KCNIP2: variants seen among roughly 807,000 people sequenced by gnomAD.
KCNIP2 encodes the protein A-type potassium channel modulatory protein KCNIP2.
KCNIP2 carries 19 observed loss-of-function variants against 39.0 expected under a neutral mutation model. The ratio of observed to expected loss-of-function variants is 0.49; its 90% CI spans 0.34 to 0.71. The LOEUF (loss-of-function observed/expected upper bound fraction) is 0.71, where lower values mean the gene tolerates loss of function less well. Among genes scored for constraint, KCNIP2 ranks in the 30% least tolerant of loss-of-function variants. KCNIP2 has a pLI of 0.01. For synonymous variants in KCNIP2, 111 were observed against 131.2 expected, an observed-to-expected ratio of 0.85 and a Z score of 1.05; for missense variants, 261 against 346.0, an observed-to-expected ratio of 0.75 and a Z score of 1.95.
chr10:101,827,248 G>A lies in KCNIP2; in HGVS notation c.*105C>T. ...GCTCTTGGATCCCTCCAGCCCCCAG[G>A]GAGGCGTAGGATGAGGATAGACCTG... On this transcript the variant is annotated 3_prime_UTR_variant, in exon 10 of 10. Transcript: ENST00000356640. 1.4e-6 allele frequency: 2 copies of A among 1,388,646 alleles called. No individual in the cohort carries two copies. The highest frequency in any genetic ancestry group is 1.9e-6 in the Non-Finnish European group (2 of 1,065,922). The allele number at this position is 1,388,646 out of a possible 1,614,324, so 86.0% of individuals were successfully genotyped here.
At chr10:101,827,531 A>T in intron 9 of KCNIP2, 131 bp from the exon 10 acceptor site, 1 of 1,286,968 alleles carries the variant, frequency 7.8e-7, no homozygotes, top group South Asian at 1.2e-5. Context: ...GCCCAGAGAG[A>T]CCTGAGGTAG....
intron 1 of KCNIP2, among the ~76,000 whole-genome samples, 182 bp from the exon 2 acceptor site, chr10:101,831,349 A>G (rs1157471473): frequency 6.6e-6 from 1 of 152,132 alleles, no homozygotes; most frequent in East Asian, 1.9e-4. Flanking sequence ...GAGTCCATAG[A>G]GGTGAGGCTC....
In KCNIP2 at chr10:101,835,775, G is replaced by A. The variant is rs538724202; in HGVS notation, c.74-4608C>T. On this transcript the variant is annotated intron_variant, in intron 1 of 9. Coordinates refer to ENST00000356640, the MANE Select transcript of KCNIP2 (RefSeq NM_173191.3). ...ACCGCTGCTGGCTAACGGTGACTGA[G>A]CATTCACTATGTACTAGATAATGCA... 2.0e-5 allele frequency among the ~76,000 whole-genome samples: 3 copies of A among 152,286 alleles called. No individual in the cohort carries two copies. In the East Asian group the frequency reaches 5.8e-4, roughly 29 times the overall value.
intron 1 of KCNIP2, among the ~76,000 whole-genome samples, chr10:101,831,562 C>A (rs2065993557): frequency 6.6e-6 from 1 of 152,110 alleles, no homozygotes; most frequent in Non-Finnish European, 1.5e-5. Flanking sequence ...TGTATAGTGA[C>A]ATGTAGAACA....
chr10:101,835,314 G>A (rs755380), intron 1 of KCNIP2, among the ~76,000 whole-genome samples: 14 of 152,176 alleles, frequency 9.2e-5, no homozygotes, highest in African/African-American at 2.7e-4. Context: ...GCCACAGGCA[G>A]TGAAACTGAG....
chr10:101,832,818 G>A (rs577774951), intron 1 of KCNIP2, among the ~76,000 whole-genome samples: 2 of 152,084 alleles, frequency 1.3e-5, no homozygotes, highest in African/African-American at 4.8e-5. Context: ...GGTGAGAACA[G>A]AATGGCTGCC....
intron 3 of KCNIP2, chr10:101,829,502 A>G: frequency 2.1e-6 from 1 of 468,406 alleles, no homozygotes; most frequent in South Asian, 3.2e-5. Flanking sequence ...TCTTCGTTTT[A>G]GAAAGGGAGG....
At chr10:101,837,391 C>T (rs1471594673) in intron 1 of KCNIP2, among the ~76,000 whole-genome samples, 1 of 152,140 alleles carries the variant, frequency 6.6e-6, no homozygotes, top group Non-Finnish European at 1.5e-5. Flanking sequence ...ATGAGTTTGG[C>T]TGGGTGCAGT....
intron 9 of KCNIP2, 100 bp downstream of exon 9, chr10:101,827,589 G>T: frequency 7.2e-7 from 1 of 1,385,834 alleles, no homozygotes; most frequent in Non-Finnish European, 1.0e-6. Context: ...ATATGGGGGT[G>T]AGGTGGGAAG....
chr10:101,830,645 C>T (rs1359175094), intron 2 of KCNIP2, among the ~76,000 whole-genome samples: 1 of 151,734 alleles, frequency 6.6e-6, no homozygotes, highest in African/African-American at 2.4e-5. Context: ...TATGCTCCAG[C>T]CTTGCCAGCA....
rs1236715300 is a variant in KCNIP2, at chr10:101,838,247, G to A, written c.73+5249C>T. 4.6e-5 allele frequency among the ~76,000 whole-genome samples: 7 copies of A among 152,340 alleles called. No individual in the cohort carries two copies. In the East Asian group the frequency reaches 1.3e-3, roughly 29 times the overall value. ...AATTTGGCAGAGTGGGAACTCAAGGGAAAACCATCTCGAGGCATGAGGTGG... is the reference window on the plus strand; with the variant it reads ...AATTTGGCAGAGTGGGAACTCAAGGAAAAACCATCTCGAGGCATGAGGTGG... On this transcript the variant is annotated intron_variant, in intron 1 of 9. Coordinates refer to ENST00000356640, the MANE Select transcript of KCNIP2 (RefSeq NM_173191.3). This position sits in a 1 kb window ranked among gnomAD's most constrained non-coding sequence, Gnocchi z 4.0.
chr10:101,829,932 G>C, intron 2 of KCNIP2, 35 bp from the exon 3 acceptor site: 4 of 1,542,554 alleles, frequency 2.6e-6, no homozygotes, highest in Non-Finnish European at 2.6e-6. Flanking sequence ...GAAAGCGGAA[G>C]ACCCGGCCAA....
chr10:101,835,761 C>T (rs1297155514), intron 1 of KCNIP2, among the ~76,000 whole-genome samples: 3 of 152,166 alleles, frequency 2.0e-5, no homozygotes, highest in African/African-American at 7.2e-5. Context: ...CCGCTGCTGG[C>T]TAACGGTGAC....
Position 101,831,071 on chromosome 10 carries a change from C to T in KCNIP2, c.169+1G>A. 3 of 1,613,380 alleles carry T rather than the reference C, an allele frequency of 1.9e-6. No individual in the cohort carries two copies. The highest frequency in any genetic ancestry group is 2.5e-6 in the Non-Finnish European group (3 of 1,179,778). ...CCCGGAAGCACATGAGAGGCACTTGCTTTCACTGACTGAGGGCAGGGCTTG... is the reference window on the plus strand; with the variant it reads ...CCCGGAAGCACATGAGAGGCACTTGTTTTCACTGACTGAGGGCAGGGCTTG... On this transcript the variant is annotated splice_donor_variant, in intron 2 of 9. Transcript: ENST00000356640. LOFTEE classifies it high-confidence loss of function.
In KCNIP2 at chr10:101,836,174, G is replaced by A. The variant is rs547288040; in HGVS notation, c.74-5007C>T. Reference sequence around the variant, plus strand: ...CTATACAGCCACCACCGGGGGGCACGCGTCCAACCTCACACAGTACCATAC... The same window carrying A: ...CTATACAGCCACCACCGGGGGGCACACGTCCAACCTCACACAGTACCATAC... On this transcript the variant is annotated intron_variant, in intron 1 of 9. Coordinates refer to ENST00000356640, the MANE Select transcript of KCNIP2 (RefSeq NM_173191.3). Among the ~76,000 whole-genome samples the A allele has an allele frequency of 1.9e-4, 29 of 152,180 alleles. No individual in the cohort carries two copies. The South Asian group carries it at 5.6e-3, about 29-fold the overall frequency.
At chr10:101,841,431 C>G (rs2066337094) in intron 1 of KCNIP2, among the ~76,000 whole-genome samples, 1 of 152,174 alleles carries the variant, frequency 6.6e-6, no homozygotes, top group South Asian at 2.1e-4. Context: ...TTGACACTGG[C>G]GTCCCAACCC....
chr10:101,843,800 T>TGAGCGCGGAGCC, upstream of KCNIP2: 1 of 341,532 alleles, frequency 2.9e-6, no homozygotes, highest in African/African-American at 2.1e-5. This position sits in a 1 kb window ranked among gnomAD's most constrained non-coding sequence, Gnocchi z 6.7. Context: ...AGAGCGGAGC[T>TGAGCGCGGAGCC]GAGCGCGGAG....
chr10:101,838,821 C>G lies in KCNIP2; in HGVS notation c.73+4675G>C, dbSNP rs2066237229. Among the ~76,000 whole-genome samples, 1 of 152,206 alleles carries G rather than the reference C, an allele frequency of 6.6e-6. No homozygotes were observed. The highest frequency in any genetic ancestry group is 1.5e-5 in the Non-Finnish European group (1 of 68,038). The stretch of plus-strand genomic sequence containing the variant: ...ACCCATGGAGAGAGCCAGAAAATGA[C>G]AGATCTCAGAATGCCACAGGACCAG... On this transcript the variant is annotated intron_variant, in intron 1 of 9. Coordinates refer to ENST00000356640, the MANE Select transcript of KCNIP2 (RefSeq NM_173191.3). The surrounding 1 kb of genome is among the most constrained non-coding windows in gnomAD (Gnocchi z 4.0).
At chr10:101,831,386 CGGTGACAGCGAGGCGGCAAGGATGA>C (rs923323276) in intron 1 of KCNIP2, among the ~76,000 whole-genome samples, 1 of 152,158 alleles carries the variant, frequency 6.6e-6, no homozygotes, top group African/African-American at 2.4e-5. Flanking sequence ...GGGACGTGGC[CGGTGACAGCGAGGCGGCAAGGATGA>C]GGTGGCAGTG....
Sources: allele counts gnomAD v4.1 joint callset (sites outside exome capture counted in the v4.1 genomes callset), GRCh38; gene constraint gnomAD v4.1.1; non-coding constraint Gnocchi (gnomAD v3.1); transcripts MANE v1.5; gene names NCBI Gene and HGNC (gene_info 2026-07-23, HGNC 2026-07-21).